Variants in TMEM39B observed in about 807,000 individuals in gnomAD.
TMEM39B encodes the protein transmembrane protein 39B.
Under a neutral mutation model 52.2 loss-of-function variants are expected in TMEM39B, and 23 were observed. The ratio of observed to expected loss-of-function variants is 0.44; its 90% CI spans 0.32 to 0.62. TMEM39B has a LOEUF of 0.62. Ranked by LOEUF, TMEM39B falls within the 20% of genes least tolerant of loss-of-function variation. The pLI is 0.06. For synonymous variants in TMEM39B, 285 were observed against 264.0 expected (o/e 1.08, Z -0.77); for missense variants, 547 against 642.0 (o/e 0.85, Z 1.60).
At chr1:32,089,477 G>A (rs1332704131) in intron 5 of TMEM39B, among the ~76,000 whole-genome samples, 1 of 151,804 alleles carries the variant, frequency 6.6e-6, no homozygotes, top group Admixed American at 6.6e-5. Flanking sequence ...TAAAGGTTGT[G>A]CTCTTGACCA....
chr1:32,084,716 C>CCT (rs1168166854), intron 5 of TMEM39B, among the ~76,000 whole-genome samples: 1 of 151,872 alleles, frequency 6.6e-6, no homozygotes, highest in Non-Finnish European at 1.5e-5. Flanking sequence ...ATTACAGGCA[C>CCT]GCCACCATGC....
At position 32,094,867 on chromosome 1, in the gene TMEM39B, C is replaced by T; in HGVS notation, c.1011C>T (p.His337=). 1 of 1,614,204 alleles carries T rather than the reference C, an allele frequency of 6.2e-7. No individual in the cohort carries two copies. The highest frequency in any genetic ancestry group is 8.5e-7 in the Non-Finnish European group (1 of 1,180,030). ...GCACCTCCGTGATCCTCATGCAGCA[C>T]CTGCTGCCTGCCAGCTACTGTGACC... The part of the protein sequence containing the change: ...SISTSVILMQ[H]LLPASYCDLL... The change falls in exon 7 of 9, where the codon CAC becomes CAT. Residue 337 remains histidine (H), a synonymous_variant. Coordinates refer to ENST00000336294, the MANE Select transcript of TMEM39B (RefSeq NM_018056.4).
chr1:32,075,023 C>G lies in TMEM39B; in HGVS notation c.77C>G (p.Ser26Cys), dbSNP rs1207266808. 13 of 1,551,490 alleles carry G rather than the reference C, an allele frequency of 8.4e-6. No individual in the cohort carries two copies. Among genetic ancestry groups the G allele is most frequent in the Non-Finnish European group, 1.0e-5 (12 of 1,146,960 alleles). ...PLCEPGSSGG[S>C]SGSHTSSASV... The stretch of plus-strand genomic sequence containing the variant: ...TGTGAGCCGGGATCCTCGGGGGGCT[C>G]TAGTGGAAGCCACACTTCCAGTGCA... Residue 26 changes from serine (S) to cysteine (C), a missense_variant, in exon 2 of 9, where the codon TCT becomes TGT. By Grantham distance (112) the Ser-to-Cys change is moderately radical. Coordinates refer to ENST00000336294, the MANE Select transcript of TMEM39B (RefSeq NM_018056.4).
upstream of TMEM39B, chr1:32,072,826 A>G (rs1639691706): frequency 7.2e-6 from 4 of 553,544 alleles, no homozygotes; most frequent in Non-Finnish European, 9.4e-6. Context: ...GGGGACCGAG[A>G]GACAAAGAGC....
At position 32,100,560 on chromosome 1, in the gene TMEM39B, C is replaced by T; in HGVS notation, c.1234C>T (p.His412Tyr). Reference protein sequence around the residue: ...IPSDVSHFRFHFFFSKPLRIL... With the variant: ...IPSDVSHFRFYFFFSKPLRIL... The stretch of plus-strand genomic sequence containing the variant: ...CTCTGACGTCTCCCACTTCCGCTTC[C>T]ATGTGAGTCTCCTCCCCGGGGAAGG... The change falls in exon 8 of 9, where the codon CAT becomes TAT. Residue 412 changes from histidine (H) to tyrosine (Y), a missense_variant and splice_region_variant. Coordinates refer to ENST00000336294, the MANE Select transcript of TMEM39B (RefSeq NM_018056.4). 1 of 1,614,158 alleles carries T rather than the reference C, an allele frequency of 6.2e-7. No homozygotes were observed. The highest frequency in any genetic ancestry group is 8.5e-7 in the Non-Finnish European group (1 of 1,180,002).
chr1:32,086,540 G>A (rs761577368), intron 5 of TMEM39B, among the ~76,000 whole-genome samples: 9 of 152,130 alleles, frequency 5.9e-5, no homozygotes, highest in Non-Finnish European at 1.0e-4. Context: ...ACTGAGGCAG[G>A]CGGATGGCTT....
chr1:32,090,740 C>T (rs112640237), intron 5 of TMEM39B, among the ~76,000 whole-genome samples: 18,247 of 151,990 alleles, frequency 0.12, 1,394 homozygotes, highest in South Asian at 0.25. Flanking sequence ...CCCGGGTTCA[C>T]GCCATTCTCC....
At chr1:32,078,339 C>G (rs1221544191) in intron 5 of TMEM39B, among the ~76,000 whole-genome samples, 1 of 151,942 alleles carries the variant, frequency 6.6e-6, no homozygotes, top group East Asian at 1.9e-4. Context: ...AAAAACTAGC[C>G]AGGTGTGGTG....
Position 32,100,550 on chromosome 1 carries a change from C to A in TMEM39B, c.1224C>A (p.His408Gln), listed in dbSNP as rs146876430. The A allele has an allele frequency of 6.2e-7, 1 of 1,614,194 alleles. No homozygotes were observed. The highest frequency in any genetic ancestry group is 1.7e-5 in the Admixed American group (1 of 60,020). The change falls in exon 8 of 9, where the codon CAC (histidine) becomes CAA (glutamine). Residue 408 changes from histidine (H) to glutamine (Q), a missense_variant. His to Gln is a conservative substitution (Grantham distance 24). Coordinates refer to ENST00000336294, the MANE Select transcript of TMEM39B (RefSeq NM_018056.4). ...TGGCTATCCCCTCTGACGTCTCCCA[C>A]TTCCGCTTCCATGTGAGTCTCCTCC... ...YNVAIPSDVS[H>Q]FRFHFFFSKP... is the part of the protein sequence containing the mutation.
intron 7 of TMEM39B, among the ~76,000 whole-genome samples, chr1:32,096,010 G>A (rs145686676): frequency 1.3e-3 from 199 of 152,258 alleles, no homozygotes; most frequent in African/African-American, 4.6e-3. Flanking sequence ...GTGGTCCTTC[G>A]CGTGGCTTCC....
chr1:32,099,325 T>G (rs1569953832), intron 7 of TMEM39B, among the ~76,000 whole-genome samples: 4 of 141,262 alleles, frequency 2.8e-5, no homozygotes, highest in African/African-American at 8.0e-5. Flanking sequence ...TGTGGTGGGG[T>G]GGGGTGGGGG....
rs545233895 is a variant in TMEM39B at position 32,082,577 on chromosome 1, C to T, written c.590+5259C>T. On this transcript the variant is annotated intron_variant, in intron 5 of 8. Coordinates refer to ENST00000336294, the MANE Select transcript of TMEM39B (RefSeq NM_018056.4). ...TCAAGCAGTTCTCCTGCCTCAACCT[C>T]CCGAGTAGCTGGGATTACAGGTGTG... Among the ~76,000 whole-genome samples, 201 of 151,990 alleles carry T rather than the reference C, an allele frequency of 1.3e-3. 1 individual carries two copies. Among genetic ancestry groups the T allele is most frequent in the Non-Finnish European group, 1.9e-3 (130 of 67,940 alleles).
At chr1:32,095,717 G>C (rs1211563506) in intron 7 of TMEM39B, 1 of 152,484 alleles carries the variant, frequency 6.6e-6, no homozygotes, top group African/African-American at 2.4e-5. Flanking sequence ...CTTGGGTCCA[G>C]GACAAGGCTT....
chr1:32,078,963 A>C (rs916925459), intron 5 of TMEM39B, among the ~76,000 whole-genome samples: 1 of 152,066 alleles, frequency 6.6e-6, no homozygotes, highest in African/African-American at 2.4e-5. Flanking sequence ...TTAAAAAAGA[A>C]AAATGGTATT....
chr1:32,087,340 A>G (rs1401720713), intron 5 of TMEM39B, among the ~76,000 whole-genome samples: 1 of 147,074 alleles, frequency 6.8e-6, no homozygotes, highest in Non-Finnish European at 1.5e-5. Flanking sequence ...AAAAAAAAAA[A>G]AGGCCGGGTG....
chr1:32,093,975 C>T (rs1487006269), intron 6 of TMEM39B, among the ~76,000 whole-genome samples: 1 of 151,392 alleles, frequency 6.6e-6, no homozygotes, highest in Non-Finnish European at 1.5e-5. Flanking sequence ...CCCGCCACCA[C>T]GCCCGGCTAA....
chr1:32,093,579 T>A (rs1299519623), intron 6 of TMEM39B, among the ~76,000 whole-genome samples: 3 of 148,982 alleles, frequency 2.0e-5, no homozygotes, highest in Admixed American at 1.3e-4. Context: ...GCCCGGCTAA[T>A]TTTTGTATTT....
At chr1:32,084,853 A>G (rs1288820327) in intron 5 of TMEM39B, among the ~76,000 whole-genome samples, 2 of 152,186 alleles carry the variant, frequency 1.3e-5, no homozygotes, top group African/African-American at 2.4e-5. Context: ...GGTGTGAGCC[A>G]TCGCACCCAG....
chr1:32,097,155 C>T (rs1349317177), intron 7 of TMEM39B, among the ~76,000 whole-genome samples: 4 of 152,044 alleles, frequency 2.6e-5, no homozygotes, highest in Admixed American at 6.6e-5. Flanking sequence ...GGTATATATA[C>T]TCATGTAACC....
Sources: gnomAD v4.1 joint callset for allele counts (sites outside exome capture counted in the v4.1 genomes callset) on GRCh38, gnomAD v4.1.1 for gene constraint, MANE v1.5 for transcripts, NCBI Gene and HGNC (gene_info 2026-07-23, HGNC 2026-07-21) for gene names.